ZFTRAF1: variants seen among roughly 807,000 people sequenced by gnomAD.
The protein encoded by ZFTRAF1 is zinc finger TRAF-type-containing protein 1.
chr8:144,454,405 C>A, the ZFTRAF1 span: 2 of 152,376 alleles, frequency 1.3e-5, no homozygotes, highest in African/African-American at 4.8e-5. Context: ...TCCCACAGCC[C>A]TGGCTGGAGT....
At chr8:144,453,238 C>T in the ZFTRAF1 span, 1 of 1,550,970 alleles carries the variant, frequency 6.4e-7, no homozygotes, top group Non-Finnish European at 8.7e-7. Flanking sequence ...TGGCATTCCT[C>T]TTTCTGGTGC....
chr8:144,462,031 G>A, the ZFTRAF1 span, among the ~76,000 whole-genome samples: 1 of 152,190 alleles, frequency 6.6e-6, no homozygotes, highest in Admixed American at 6.5e-5. Flanking sequence ...TTCAGATCGG[G>A]AAGTACCGTG....
At chr8:144,453,374 G>A in the ZFTRAF1 span, 1 of 1,551,196 alleles carries the variant, frequency 6.4e-7, no homozygotes, top group South Asian at 1.2e-5. Flanking sequence ...AACGACAATT[G>A]GGGCACGTGG....
At chr8:144,450,223 G>C in the ZFTRAF1 span, 1 of 597,862 alleles carries the variant, frequency 1.7e-6, no homozygotes, top group Non-Finnish European at 3.0e-6. Context: ...GGGCCCCGTC[G>C]CGCACGCATG....
the ZFTRAF1 span, among the ~76,000 whole-genome samples, chr8:144,452,804 C>T: frequency 6.6e-6 from 1 of 152,230 alleles, no homozygotes; most frequent in Non-Finnish European, 1.5e-5. Context: ...GTGTGCCCCG[C>T]ACCATGGCGT....
At chr8:144,457,849 T>C in the ZFTRAF1 span, 7 of 152,294 alleles carry the variant, frequency 4.6e-5, no homozygotes, top group Non-Finnish European at 8.8e-5. Context: ...CACTGGAGGA[T>C]GGCACAGTGC....
At chr8:144,452,378 G>A in the ZFTRAF1 span, 58 of 1,549,678 alleles carry the variant, frequency 3.7e-5, 2 homozygotes, top group Admixed American at 4.3e-4. Flanking sequence ...CAATCTTCTC[G>A]AAGCTGAGCA....
the ZFTRAF1 span, chr8:144,454,431 A>C: frequency 6.6e-6 from 1 of 152,380 alleles, no homozygotes; most frequent in African/African-American, 2.4e-5. Flanking sequence ...GTGTGGGCTG[A>C]GGCATTCCAG....
the ZFTRAF1 span, chr8:144,456,388 C>G: frequency 6.6e-6 from 1 of 152,582 alleles, no homozygotes; most frequent in Non-Finnish European, 1.5e-5. Flanking sequence ...TTGGCCCTGG[C>G]AGCATCTGGC....
At chr8:144,452,801 C>G in the ZFTRAF1 span, among the ~76,000 whole-genome samples, 1 of 152,186 alleles carries the variant, frequency 6.6e-6, no homozygotes, top group Admixed American at 6.5e-5. Flanking sequence ...CCTGTGTGCC[C>G]CGCACCATGG....
the ZFTRAF1 span, chr8:144,452,181 C>CA: frequency 1.3e-6 from 1 of 755,742 alleles, no homozygotes; most frequent in Non-Finnish European, 2.3e-6. Flanking sequence ...TCCTTCCACT[C>CA]AGTCTCCGGC....
At chr8:144,462,722 G>C in the ZFTRAF1 span, 1 of 142,610 alleles carries the variant, frequency 7.0e-6, no homozygotes, top group Non-Finnish European at 1.6e-5. Flanking sequence ...GGCGCCGCGC[G>C]CTCCCGCCGC....
the ZFTRAF1 span, chr8:144,462,216 C>A: frequency 2.1e-6 from 1 of 467,318 alleles, no homozygotes; most frequent in Non-Finnish European, 3.8e-6. Flanking sequence ...AGACGCGGAT[C>A]CTGGGGCCCC....
chr8:144,462,308 TC>T, the ZFTRAF1 span: 1 of 599,386 alleles, frequency 1.7e-6, no homozygotes, highest in South Asian at 1.7e-5. Flanking sequence ...CTTGGGCAGG[TC>T]CAGGCACACG....
chr8:144,460,621 G>A, the ZFTRAF1 span, among the ~76,000 whole-genome samples: 33 of 152,358 alleles, frequency 2.2e-4, no homozygotes, highest in East Asian at 5.4e-3. Context: ...AGTGGCTCAT[G>A]CCTGTAATCT....
At chr8:144,453,410 T>G in the ZFTRAF1 span, 32 of 1,551,066 alleles carry the variant, frequency 2.1e-5, no homozygotes, top group Non-Finnish European at 2.6e-5. Context: ...GCCGGGCATC[T>G]GCTAGTAGGT....
chr8:144,460,599 C>T, the ZFTRAF1 span, among the ~76,000 whole-genome samples: 1 of 152,270 alleles, frequency 6.6e-6, no homozygotes, highest in East Asian at 1.9e-4. Flanking sequence ...AGAAAAAGTT[C>T]TGGCCAAGCG....
At chr8:144,462,250 C>G in the ZFTRAF1 span, 4 of 522,428 alleles carry the variant, frequency 7.7e-6, no homozygotes, top group South Asian at 8.9e-5. Flanking sequence ...CAGCCCCGGG[C>G]TGGGCCGGGT....
the ZFTRAF1 span, among the ~76,000 whole-genome samples, chr8:144,461,170 A>G: frequency 6.6e-6 from 1 of 152,208 alleles, no homozygotes; most frequent in Non-Finnish European, 1.5e-5. Context: ...AGTTTGGAGA[A>G]ATGGCAACCT....
Sources: allele counts gnomAD v4.1 joint callset (sites outside exome capture counted in the v4.1 genomes callset), GRCh38; gene constraint gnomAD v4.1.1; transcripts MANE v1.5; gene names NCBI Gene and HGNC (gene_info 2026-07-23, HGNC 2026-07-21).